KDM5A: variants seen among roughly 807,000 people sequenced by gnomAD.
KDM5A encodes lysine demethylase 5A, also known as lysine-specific demethylase 5A.
A neutral mutation model predicts 193.5 loss-of-function variants in KDM5A; 42 were observed. The ratio of observed to expected loss-of-function variants is 0.22; its 90% CI spans 0.17 to 0.28. The LOEUF is 0.28. KDM5A is among the 10% of genes least tolerant of loss of function. KDM5A has a pLI of 1.00. For synonymous variants in KDM5A, 796 were observed against 718.1 expected, an observed-to-expected ratio of 1.11 and a Z score of -1.73; for missense variants, 1,692 against 2,055.1, an observed-to-expected ratio of 0.82 and a Z score of 3.42.
intron 9 of KDM5A, among the ~76,000 whole-genome samples, chr12:351,723 CT>C (rs1944162317): frequency 6.6e-6 from 1 of 152,114 alleles, no homozygotes; most frequent in African/African-American, 2.4e-5. Flanking sequence ...AATCCCAACA[CT>C]TTGGGAGGCC....
chr12:367,703 G>GAA (rs538424158), intron 3 of KDM5A, among the ~76,000 whole-genome samples: 1 of 144,042 alleles, frequency 6.9e-6, no homozygotes, highest in Non-Finnish European at 1.5e-5. Context: ...CTCCATCTCC[G>GAA]AAAAAAAAAA....
chr12:382,763 C>T (rs1015071819), intron 3 of KDM5A, among the ~76,000 whole-genome samples: 2 of 151,996 alleles, frequency 1.3e-5, no homozygotes, highest in African/African-American at 4.8e-5. Flanking sequence ...GAAACCCCAT[C>T]TCTACTAAAA....
chr12:306,879 GC>G, intron 24 of KDM5A, 66 bp downstream of exon 24: 1 of 1,211,050 alleles, frequency 8.3e-7, no homozygotes, highest in Non-Finnish European at 1.2e-6. Flanking sequence ...CTGTTCAATA[GC>G]TTTTTTTTTT....
chr12:352,436 C>T, intron 8 of KDM5A, 112 bp from the exon 9 acceptor site: 2 of 874,166 alleles, frequency 2.3e-6, no homozygotes, highest in Non-Finnish European at 3.7e-6. Context: ...TAAATCCAGT[C>T]AACCCTAGAC....
chr12:322,389 T>G (rs781003499), intron 17 of KDM5A, 28 bp downstream of exon 17: 1 of 1,605,312 alleles, frequency 6.2e-7, no homozygotes, highest in Non-Finnish European at 8.5e-7. Context: ...AGGAAAACAC[T>G]GGAGAATTAA....
intron 5 of KDM5A, among the ~76,000 whole-genome samples, chr12:358,644 G>A (rs1284471465): frequency 2.0e-5 from 3 of 152,008 alleles, no homozygotes; most frequent in Non-Finnish European, 2.9e-5. Flanking sequence ...AAATTAAAAA[G>A]GACCTTCCAC....
intron 3 of KDM5A, among the ~76,000 whole-genome samples, chr12:379,393 AAGG>A (rs1944547564): frequency 6.6e-6 from 1 of 152,244 alleles, no homozygotes. Flanking sequence ...ATTGACTGGA[AAGG>A]AGATGAAACA....
chr12:381,132 T>C (rs1228598565), intron 3 of KDM5A, among the ~76,000 whole-genome samples: 1 of 152,118 alleles, frequency 6.6e-6, no homozygotes, highest in Non-Finnish European at 1.5e-5. Context: ...GTAGCTGAGA[T>C]TACAGGCATG....
chr12:362,666 T>A (rs1333142306), intron 5 of KDM5A, among the ~76,000 whole-genome samples: 1 of 152,210 alleles, frequency 6.6e-6, no homozygotes, highest in South Asian at 2.1e-4. Flanking sequence ...TACGCCACAT[T>A]TCACAATTTA....
At chr12:383,188 ACATGAGTTTCTTTAATATG>A (rs1384705396) in intron 3 of KDM5A, among the ~76,000 whole-genome samples, 1 of 149,880 alleles carries the variant, frequency 6.7e-6, no homozygotes, top group Non-Finnish European at 1.5e-5. Context: ...ATGCTGAGAA[ACATGAGTTTCTTTAATATG>A]CCAAATTTTC....
At position 371,208 on chromosome 12, in the gene KDM5A, T is replaced by C. The variant is rs535659069; in HGVS notation, c.367-5104A>G. On this transcript the variant is annotated intron_variant, in intron 3 of 27. Coordinates refer to ENST00000399788, the MANE Select transcript of KDM5A (RefSeq NM_001042603.3). Reference sequence around the variant, plus strand: ...ATCACCACACTGTTTTCCACAATGGTTGAACTAGTTTATAGTCCCACTAAC... The same window carrying C: ...ATCACCACACTGTTTTCCACAATGGCTGAACTAGTTTATAGTCCCACTAAC... Among the ~76,000 whole-genome samples, 348 of 152,374 alleles carry C rather than the reference T, an allele frequency of 2.3e-3. 3 individuals carry two copies. The highest frequency in any genetic ancestry group is 3.7e-3 in the Non-Finnish European group (250 of 68,036).
intron 26 of KDM5A, among the ~76,000 whole-genome samples, chr12:293,545 G>A (rs566418998): frequency 3.9e-5 from 6 of 152,260 alleles, no homozygotes; most frequent in African/African-American, 1.4e-4. Flanking sequence ...CTGGGAGGCC[G>A]AGGCGGGTGG....
chr12:297,408 G>C (rs1943386846), intron 24 of KDM5A, among the ~76,000 whole-genome samples: 3 of 152,208 alleles, frequency 2.0e-5, no homozygotes, highest in African/African-American at 7.2e-5. Flanking sequence ...TGAGCAACCA[G>C]AACAGTTTCT....
intron 5 of KDM5A, among the ~76,000 whole-genome samples, chr12:357,806 CG>C (rs1196631332): frequency 8.8e-6 from 1 of 113,054 alleles, no homozygotes; most frequent in Non-Finnish European, 1.7e-5. Flanking sequence ...CCAGCCTGGG[CG>C]ACAGAGCAAG....
chr12:301,780 A>T (rs2137378849), intron 24 of KDM5A, among the ~76,000 whole-genome samples: 1 of 152,260 alleles, frequency 6.6e-6, no homozygotes, highest in South Asian at 2.1e-4. Flanking sequence ...AAACCCCATC[A>T]TCTCAGCCCA....
In KDM5A at chr12:329,025, G is replaced by A; in HGVS notation, c.1778C>T (p.Pro593Leu). The A allele has an allele frequency of 6.2e-7, 1 of 1,613,868 alleles. No homozygotes were observed. The highest frequency in any genetic ancestry group is 8.5e-7 in the Non-Finnish European group (1 of 1,179,836). Reference protein sequence around the residue: ...AVNFCTADWLPIGRQCVNHYR... With the variant: ...AVNFCTADWLLIGRQCVNHYR... ...ATGATTTACACATTGACGTCCAATG[G>A]GCAACTGAAAATGAGATTTCCAAAT... Residue 593 changes from proline (P) to leucine (L), a missense_variant, in exon 14 of 28, where the codon CCC becomes CTC. By Grantham distance (98) the Pro-to-Leu change is moderately conservative. Around this residue, in one of 11 missense-constraint regions of KDM5A, gnomAD observed 172 missense variants for 260.3 expected, o/e 0.66. Transcript: ENST00000399788.
At chr12:343,209 G>A (rs1019974453) in intron 10 of KDM5A, among the ~76,000 whole-genome samples, 1 of 151,826 alleles carries the variant, frequency 6.6e-6, no homozygotes, top group Non-Finnish European at 1.5e-5. Context: ...TGAGGCAGCA[G>A]CCTGGCTGGG....
intron 19 of KDM5A, 146 bp from the exon 20 acceptor site, chr12:313,340 C>T: frequency 1.2e-6 from 1 of 833,536 alleles, no homozygotes; most frequent in Non-Finnish European, 2.0e-6. Context: ...TAGTATCTTT[C>T]TTTTCCATCT....
chr12:293,242 G>A (rs1591897183), intron 26 of KDM5A, 73 bp from the exon 27 acceptor site: 1 of 1,296,800 alleles, frequency 7.7e-7, no homozygotes, highest in East Asian at 2.4e-5. Flanking sequence ...CTTATATGAG[G>A]TACCTAGAAT....
Sources: gnomAD v4.1 joint callset for allele counts (sites outside exome capture counted in the v4.1 genomes callset) on GRCh38, gnomAD v4.1.1 for gene constraint, gnomAD v4.1.1 regional missense constraint, MANE v1.5 for transcripts, NCBI Gene and HGNC (gene_info 2026-07-23, HGNC 2026-07-21) for gene names.